PDE6D: variants seen among roughly 807,000 people sequenced by gnomAD.
PDE6D encodes the protein phosphodiesterase 6D, also known as retinal rod rhodopsin-sensitive cGMP 3',5'-cyclic phosphodiesterase subunit delta.
Under a neutral mutation model 21.9 loss-of-function variants are expected in PDE6D, and 10 were observed. That is an observed-to-expected ratio of 0.46 (90% CI 0.28 to 0.78). The LOEUF (loss-of-function observed/expected upper bound fraction) is 0.78, where lower values mean the gene tolerates loss of function less well. Ranked by LOEUF, PDE6D falls within the 30% of genes least tolerant of loss-of-function variation. PDE6D has a pLI of 0.12. For missense variants in PDE6D, 139 were observed against 184.8 expected, an observed-to-expected ratio of 0.75 and a Z score of 1.44; for synonymous variants, 59 against 63.5, an observed-to-expected ratio of 0.93 and a Z score of 0.34.
chr2:231,768,711 T>G (rs1236544369), intron 1 of PDE6D: 4 of 151,866 alleles, frequency 2.6e-5, no homozygotes, highest in African/African-American at 9.7e-5. Flanking sequence ...GTGATAATTC[T>G]TGAAGTCTCC....
chr2:231,780,391 G>T (rs1206137166), intron 1 of PDE6D, among the ~76,000 whole-genome samples: 1 of 152,146 alleles, frequency 6.6e-6, no homozygotes, highest in Non-Finnish European at 1.5e-5. Flanking sequence ...CGCTGAGGGG[G>T]AAGCAGTGAC....
chr2:231,767,317 T>C (rs1182564280), intron 1 of PDE6D, among the ~76,000 whole-genome samples: 1 of 152,096 alleles, frequency 6.6e-6, no homozygotes, highest in Non-Finnish European at 1.5e-5. Context: ...ACAGCATGCA[T>C]TATCCTTGTT....
At chr2:231,769,553 T>C (rs2048999251) in intron 1 of PDE6D, among the ~76,000 whole-genome samples, 1 of 151,588 alleles carries the variant, frequency 6.6e-6, no homozygotes, top group African/African-American at 2.4e-5. Flanking sequence ...GAGATATGTA[T>C]ATATATATAT....
chr2:231,766,674 A>C (rs1429402323), intron 1 of PDE6D, among the ~76,000 whole-genome samples: 4 of 152,074 alleles, frequency 2.6e-5, no homozygotes, highest in African/African-American at 9.7e-5. Context: ...AAGAAACTCA[A>C]CTCCTTCAAA....
In PDE6D at chr2:231,738,107, C is replaced by G; in HGVS notation, c.171G>C (p.Lys57Asn). The G allele has an allele frequency of 6.2e-7, 1 of 1,613,352 alleles. No homozygotes were observed. The highest frequency in any genetic ancestry group is 1.1e-5 in the South Asian group (1 of 90,874). The change falls in exon 3 of 5, where the codon AAG (lysine) becomes AAC (asparagine). Residue 57 changes from lysine to asparagine, a missense_variant. Lys to Asn is a moderately conservative substitution (Grantham distance 94). Coordinates refer to ENST00000287600, the MANE Select transcript of PDE6D (RefSeq NM_002601.4). ...AAAAATTAAGTTCTCGAGACACTGC[C>G]TTGCACTTGAGGATTTTCTTGGGAA... Reference protein sequence around the residue: ...ARVPKKILKCKAVSRELNFSS... With the variant: ...ARVPKKILKCNAVSRELNFSS...
rs561604556 is a variant in PDE6D at position 231,750,660 on chromosome 2, A to ATTTTTTTTT, written c.51-11481_51-11473dup. 8.7e-5 allele frequency among the ~76,000 whole-genome samples: 8 copies of ATTTTTTTTT among 92,086 alleles called. 1 individual carries two copies. Among genetic ancestry groups the ATTTTTTTTT allele is most frequent in the South Asian group, 3.4e-4 (1 of 2,958 alleles). The allele number at this position is 92,086 out of a possible 152,430, so 60.4% of individuals were successfully genotyped here. A position where few individuals can be genotyped will look rare whatever the true frequency, so the allele number is the denominator to read the frequency against. On this transcript the variant is annotated intron_variant, in intron 1 of 4. Transcript: ENST00000287600. ...AGGTGTGTGCCACCATGCTCATCTA[A>ATTTTTTTTT]TTTTTTTTTTTTTTTTTTTTTTTTT...
rs576026266 is a variant in PDE6D at position 231,734,326 on chromosome 2, T to C, written c.372-1293A>G. Among the ~76,000 whole-genome samples the C allele has an allele frequency of 7.2e-5, 11 of 152,174 alleles. No homozygotes were observed. The East Asian group carries it at 2.1e-3, about 29-fold the overall frequency. ...ATAGTGGATTTATGGGGATATTAAA[T>C]GCATTTTTGACTTATGATATTTTCA... On this transcript the variant is annotated intron_variant, in intron 4 of 4. Transcript: ENST00000287600.
At chr2:231,754,670 C>G (rs1460765934) in intron 1 of PDE6D, among the ~76,000 whole-genome samples, 5 of 146,916 alleles carry the variant, frequency 3.4e-5, no homozygotes, top group Admixed American at 6.6e-5. Flanking sequence ...CCACGCCCAG[C>G]CTTCTTTTGT....
intron 1 of PDE6D, among the ~76,000 whole-genome samples, chr2:231,760,248 A>T (rs559753025): frequency 6.6e-6 from 1 of 152,342 alleles, no homozygotes; most frequent in Admixed American, 6.5e-5. Context: ...TGTGTTACAC[A>T]TCGCTTAGGT....
At chr2:231,766,749 T>C (rs901840591) in intron 1 of PDE6D, among the ~76,000 whole-genome samples, 17 of 151,984 alleles carry the variant, frequency 1.1e-4, no homozygotes, top group South Asian at 4.2e-4. Context: ...TCCCAGTACT[T>C]TGGAAGGCTG....
chr2:231,765,017 T>C (rs1197303433), intron 1 of PDE6D, among the ~76,000 whole-genome samples: 1 of 151,826 alleles, frequency 6.6e-6, no homozygotes, highest in Non-Finnish European at 1.5e-5. Context: ...TACCAACACT[T>C]TGGGAGGCCA....
intron 1 of PDE6D, chr2:231,779,314 G>C (rs1218171140): frequency 6.6e-6 from 1 of 152,132 alleles, no homozygotes; most frequent in Non-Finnish European, 1.5e-5. Flanking sequence ...ACTCTTTTCC[G>C]TATTTGTCTC....
At chr2:231,773,593 T>C (rs1418732732) in intron 1 of PDE6D, among the ~76,000 whole-genome samples, 1 of 152,190 alleles carries the variant, frequency 6.6e-6, no homozygotes, top group African/African-American at 2.4e-5. Flanking sequence ...CAACTGTTTT[T>C]TGATTGGAAG....
In PDE6D at chr2:231,781,081, GGATCTCC is replaced by G; in HGVS notation, c.27_33del (p.Arg9SerfsTer2). On this transcript the variant is annotated frameshift_variant, in exon 1 of 5. Coordinates refer to ENST00000287600, the MANE Select transcript of PDE6D (RefSeq NM_002601.4). LOFTEE classifies it high-confidence loss of function. ...GACGGATACAGTTTGAAGCCCCTCAGGATCTCCCTGGCCCGCTCGTCCTTGGCTGACA... is the reference window on the plus strand; with the variant it reads ...GACGGATACAGTTTGAAGCCCCTCAGCTGGCCCGCTCGTCCTTGGCTGACA... 1 of 1,613,476 alleles carries G rather than the reference GGATCTCC, an allele frequency of 6.2e-7. No individual in the cohort carries two copies. The highest frequency in any genetic ancestry group is 8.5e-7 in the Non-Finnish European group (1 of 1,179,746).
chr2:231,780,682 ACC>A (rs2049107503), intron 1 of PDE6D, among the ~76,000 whole-genome samples: 1 of 151,826 alleles, frequency 6.6e-6, no homozygotes, highest in Non-Finnish European at 1.5e-5. Context: ...AGATCAGCCC[ACC>A]GCGCCCCCTC....
At position 231,741,213 on chromosome 2, in the gene PDE6D, C is replaced by G. The variant is rs80281158; in HGVS notation, c.51-2025G>C. 1.7e-3 allele frequency among the ~76,000 whole-genome samples: 256 copies of G among 151,240 alleles called. 1 individual carries two copies. The highest frequency in any genetic ancestry group is 6.0e-3 in the African/African-American group (246 of 41,202). On this transcript the variant is annotated intron_variant, in intron 1 of 4. Coordinates refer to ENST00000287600, the MANE Select transcript of PDE6D (RefSeq NM_002601.4). ...AAAGATAAAGAAAAGCGAAAAGCTT[C>G]CAGAGGTTAAACAAGTCATTATACA...
At chr2:231,738,262 A>T in intron 2 of PDE6D, 124 bp from the exon 3 acceptor site, 1 of 922,268 alleles carries the variant, frequency 1.1e-6, no homozygotes, top group Non-Finnish European at 1.7e-6. Flanking sequence ...TGATTTAGAG[A>T]ACACTTTCTT....
chr2:231,766,435 A>G (rs934910563), intron 1 of PDE6D, among the ~76,000 whole-genome samples: 1 of 152,242 alleles, frequency 6.6e-6, no homozygotes, highest in Non-Finnish European at 1.5e-5. Flanking sequence ...TAGAAGAGAC[A>G]TATCCAAAGA....
At chr2:231,766,746 A>G (rs2048973910) in intron 1 of PDE6D, among the ~76,000 whole-genome samples, 1 of 152,166 alleles carries the variant, frequency 6.6e-6, no homozygotes, top group Non-Finnish European at 1.5e-5. Flanking sequence ...TTATCCCAGT[A>G]CTTTGGAAGG....
Sources: allele counts gnomAD v4.1 joint callset (sites outside exome capture counted in the v4.1 genomes callset), GRCh38; gene constraint gnomAD v4.1.1; transcripts MANE v1.5; gene names NCBI Gene and HGNC (gene_info 2026-07-23, HGNC 2026-07-21).